Variants in SOX6 observed in about 807,000 individuals in gnomAD.
SOX6 encodes transcription factor SOX-6.
Under a neutral mutation model 97.8 loss-of-function variants are expected in SOX6, and 11 were observed. The ratio of observed to expected loss-of-function variants is 0.11; its 90% CI spans 0.07 to 0.19. SOX6 has a LOEUF of 0.19. Among genes scored for constraint, SOX6 ranks in the 10% least tolerant of loss-of-function variants. The pLI is 1.00. For missense variants in SOX6, 810 were observed against 1,039.5 expected, an observed-to-expected ratio of 0.78 and a Z score of 3.04; for synonymous variants, 360 against 371.4, an observed-to-expected ratio of 0.97 and a Z score of 0.35.
chr11:16,674,762 C>G (rs1847872901), intron 3 of SOX6, among the ~76,000 whole-genome samples: 1 of 152,128 alleles, frequency 6.6e-6, no homozygotes, highest in Non-Finnish European at 1.5e-5. Flanking sequence ...ACCAGCCTGG[C>G]CAACAAAGCG....
At chr11:16,647,945 G>A (rs1231464379) in intron 3 of SOX6, among the ~76,000 whole-genome samples, 2 of 152,134 alleles carry the variant, frequency 1.3e-5, no homozygotes, top group East Asian at 3.9e-4. Context: ...GTGGGGGAGG[G>A]GCTCACAGGG....
rs1168394753 is a variant in SOX6 at position 16,610,649 on chromosome 11, A to G, written n.609+1432T>C. ...GAACCCGGAGCAAGTAACAATATTC[A>G]TCCCTAAAGGAAGGAAACTAAAATT... On this transcript the variant is annotated intron_variant and non_coding_transcript_variant, in intron 4 of 5. Coordinates refer to the SOX6 transcript ENST00000524520. The surrounding 1 kb of genome is among the most constrained non-coding windows in gnomAD (Gnocchi z 4.4). 6.6e-6 allele frequency among the ~76,000 whole-genome samples: 1 copy of G among 152,170 alleles called. No individual in the cohort carries two copies. Among genetic ancestry groups the G allele is most frequent in the African/African-American group, 2.4e-5 (1 of 41,450 alleles).
chr11:16,163,289 G>T (rs1326468738), intron 6 of SOX6, among the ~76,000 whole-genome samples: 4 of 151,978 alleles, frequency 2.6e-5, no homozygotes, highest in Non-Finnish European at 4.4e-5. Context: ...TACTGTGGTT[G>T]GTCTGAAAAA....
intron 6 of SOX6, among the ~76,000 whole-genome samples, chr11:16,132,696 T>C (rs1451731687): frequency 1.7e-5 from 2 of 118,232 alleles, no homozygotes; most frequent in African/African-American, 8.3e-5. Flanking sequence ...CGGGTTACCT[T>C]TTTTTTTTTT....
At chr11:16,595,603 C>CAA (rs10712410) in intron 4 of SOX6, among the ~76,000 whole-genome samples, 7 of 113,840 alleles carry the variant, frequency 6.1e-5, no homozygotes, top group Non-Finnish European at 8.9e-5. Context: ...CCACCTCTAC[C>CAA]AAAAAAAAAA....
At chr11:16,355,661 A>G (rs1474697281) in intron 1 of SOX6, among the ~76,000 whole-genome samples, 1 of 152,034 alleles carries the variant, frequency 6.6e-6, no homozygotes, top group Non-Finnish European at 1.5e-5. Flanking sequence ...ATCTTTTACC[A>G]TAGTGCATAA....
intron 2 of SOX6, among the ~76,000 whole-genome samples, chr11:16,716,710 T>C (rs1848222101): frequency 6.6e-6 from 1 of 152,044 alleles, no homozygotes; most frequent in Admixed American, 6.6e-5. Flanking sequence ...AATGAATTCA[T>C]ACAATGGCAT....
intron 1 of SOX6, among the ~76,000 whole-genome samples, chr11:16,372,523 G>T (rs1448957216): frequency 1.3e-5 from 2 of 151,956 alleles, no homozygotes; most frequent in Non-Finnish European, 2.9e-5. Context: ...TCAGTTGACG[G>T]CAAAGGGTGG....
At chr11:16,567,031 A>C (rs1847879732) in intron 4 of SOX6, among the ~76,000 whole-genome samples, 1 of 152,180 alleles carries the variant, frequency 6.6e-6, no homozygotes, top group African/African-American at 2.4e-5. Context: ...CTAATCCAAA[A>C]ATCTGAAATC....
At chr11:15,986,809 A>G (rs1055825555) in intron 14 of SOX6, among the ~76,000 whole-genome samples, 3 of 152,216 alleles carry the variant, frequency 2.0e-5, no homozygotes, top group East Asian at 1.9e-4. Context: ...TGTTTGTCCT[A>G]GAAATTCAAA....
intron 3 of SOX6, among the ~76,000 whole-genome samples, chr11:16,635,825 A>G (rs1453031937): frequency 6.6e-6 from 1 of 152,216 alleles, no homozygotes; most frequent in African/African-American, 2.4e-5. Flanking sequence ...CCATTGCTTC[A>G]GAGCATGCAA....
intron 1 of SOX6, among the ~76,000 whole-genome samples, chr11:16,411,604 A>G (rs1254091072): frequency 6.6e-6 from 1 of 152,228 alleles, no homozygotes; most frequent in African/African-American, 2.4e-5. Flanking sequence ...AAGAGAGATG[A>G]TTAAACTATC....
chr11:16,498,071 G>T (rs1565163394), intron 4 of SOX6, among the ~76,000 whole-genome samples: 1 of 152,174 alleles, frequency 6.6e-6, no homozygotes, highest in Non-Finnish European at 1.5e-5. Context: ...CAGAGAGAAA[G>T]GTCGGGTTAC....
At chr11:16,387,983 G>A (rs1858042422) in intron 1 of SOX6, among the ~76,000 whole-genome samples, 1 of 152,084 alleles carries the variant, frequency 6.6e-6, no homozygotes, top group African/African-American at 2.4e-5. Flanking sequence ...ACAATGTCAA[G>A]TAGGATGAAT....
rs76679889 is a variant in SOX6, at chr11:16,085,424, T to A, written c.1101+10572A>T. ...TAAACTGAGCCTCTGAGAAGGAGTT[T>A]GATAAAATTCAATGAAGTAATACCT... is the stretch of plus-strand genomic sequence containing the variant. On this transcript the variant is annotated intron_variant, in intron 9 of 15. Coordinates refer to ENST00000683767, the MANE Select transcript of SOX6 (RefSeq NM_001367873.1). 1.7e-3 allele frequency among the ~76,000 whole-genome samples: 253 copies of A among 152,320 alleles called. 5 individuals are homozygous for A. In the East Asian group the frequency reaches 0.043, roughly 26 times the overall value.
intron 1 of SOX6, among the ~76,000 whole-genome samples, chr11:16,446,414 A>G (rs1859612743): frequency 6.6e-6 from 1 of 152,136 alleles, no homozygotes; most frequent in Non-Finnish European, 1.5e-5. Context: ...TCTTTTTAAA[A>G]TATTTTCTAT....
At chr11:16,304,478 AG>A (rs1855361208) in intron 3 of SOX6, among the ~76,000 whole-genome samples, 2 of 152,200 alleles carry the variant, frequency 1.3e-5, no homozygotes, top group African/African-American at 4.8e-5. Flanking sequence ...AGCCCTTACC[AG>A]ACACCAAATC....
At chr11:16,308,185 C>G (rs1280010062) in intron 3 of SOX6, among the ~76,000 whole-genome samples, 1 of 151,952 alleles carries the variant, frequency 6.6e-6, no homozygotes, top group African/African-American at 2.4e-5. Context: ...ATTCTAACAT[C>G]AGAAAGAAGA....
chr11:16,116,209 G>A (rs995480543), intron 6 of SOX6, among the ~76,000 whole-genome samples: 1 of 152,094 alleles, frequency 6.6e-6, no homozygotes, highest in African/African-American at 2.4e-5. Context: ...TAATGATGAT[G>A]ATGACCACAG....
Sources: allele counts gnomAD v4.1 joint callset (sites outside exome capture counted in the v4.1 genomes callset), GRCh38; gene constraint gnomAD v4.1.1; non-coding constraint Gnocchi (gnomAD v3.1); transcripts MANE v1.5; gene names NCBI Gene and HGNC (gene_info 2026-07-23, HGNC 2026-07-21).